Variants in CD300LD observed in about 807,000 individuals in gnomAD.
CD300LD encodes CMRF35-like molecule 5.
Under a neutral mutation model 20.3 loss-of-function variants are expected in CD300LD, and 18 were observed. The observed-to-expected ratio is 0.89, with a 90% CI of 0.61 to 1.32. The LOEUF is 1.32. Ranked by LOEUF, CD300LD falls within the 40% of genes most tolerant of loss-of-function variation. The pLI is 0.00. For missense variants in CD300LD, 195 were observed against 226.6 expected, an observed-to-expected ratio of 0.86 and a Z score of 0.90; for synonymous variants, 104 against 90.1, an observed-to-expected ratio of 1.15 and a Z score of -0.87.
At chr17:74,588,079 A>G (rs905670153) in intron 2 of CD300LD, among the ~76,000 whole-genome samples, 10 of 152,206 alleles carry the variant, frequency 6.6e-5, no homozygotes, top group African/African-American at 2.4e-4. Flanking sequence ...GAGGTTGAGG[A>G]GCCACATCTT....
Position 74,591,786 on chromosome 17 carries a change from C to A in CD300LD, c.40+377G>T, listed in dbSNP as rs549270350. Among the ~76,000 whole-genome samples the A allele has an allele frequency of 1.1e-4, 16 of 149,014 alleles. No homozygotes were observed. The South Asian group carries it at 2.8e-3, about 26-fold the overall frequency. On this transcript the variant is annotated intron_variant, in intron 1 of 3. Transcript: ENST00000375352. ...CATCATGCTAAGTGAAAGAAGCACTCCAGCCTGGGTGACAGAGCGAGACAC... is the reference window on the plus strand; with the variant it reads ...CATCATGCTAAGTGAAAGAAGCACTACAGCCTGGGTGACAGAGCGAGACAC...
intron 1 of CD300LD, chr17:74,590,774 G>C (rs2143300514): frequency 6.6e-6 from 1 of 152,234 alleles, no homozygotes; most frequent in South Asian, 2.1e-4. Context: ...ACTACATCTG[G>C]AAGTTATTTA....
intron 1 of CD300LD, among the ~76,000 whole-genome samples, chr17:74,589,139 T>C (rs2030246443): frequency 6.6e-6 from 1 of 152,248 alleles, no homozygotes; most frequent in African/African-American, 2.4e-5. Flanking sequence ...CAAATCTTTA[T>C]ATTCCAAGGA....
At chr17:74,589,090 C>T (rs537406705) in intron 1 of CD300LD, among the ~76,000 whole-genome samples, 1 of 152,332 alleles carries the variant, frequency 6.6e-6, no homozygotes, top group Non-Finnish European at 1.5e-5. Context: ...GCAATAATAG[C>T]TTCCTGCAGT....
rs377067633 is a variant in CD300LD at position 74,592,255 on chromosome 17, G to A, written c.-53C>T. The A allele has an allele frequency of 3.7e-6, 6 of 1,613,944 alleles. No homozygotes were observed. In the African/African-American group the frequency reaches 8.0e-5, roughly 22 times the overall value. Reference sequence around the variant, plus strand: ...GATCACAGGTGTCTGGTGCCCTTCAGGGACTTGAATCCAAGCTCGGAAGTC... The same window carrying A: ...GATCACAGGTGTCTGGTGCCCTTCAAGGACTTGAATCCAAGCTCGGAAGTC... On this transcript the variant is annotated 5_prime_UTR_variant, in exon 1 of 4. Transcript: ENST00000375352.
Position 74,582,298 on chromosome 17 carries a change from T to C in CD300LD, c.393A>G (p.Ala131=), listed in dbSNP as rs759815848. ...CTGTTGTGGTTGTCCATTCTGAGAC[T>C]GCAGTTTGTGTGCCTAAACATACAA... is the stretch of plus-strand genomic sequence containing the variant. ...QVTINPGTQT[A]VSEWTTTTAS... is the part of the protein sequence containing the mutation. The change falls in exon 3 of 4, where the codon GCA becomes GCG. Residue 131 remains alanine, a synonymous_variant. Coordinates refer to ENST00000375352, the MANE Select transcript of CD300LD (RefSeq NM_001115152.2). 2.5e-6 allele frequency: 4 copies of C among 1,613,662 alleles called. No homozygotes were observed. The South Asian group carries it at 3.3e-5, about 13-fold the overall frequency.
chr17:74,591,021 A>G (rs1015908236), intron 1 of CD300LD, among the ~76,000 whole-genome samples: 4 of 151,832 alleles, frequency 2.6e-5, no homozygotes, highest in African/African-American at 9.7e-5. Context: ...GCTGCAGTGA[A>G]CCCTGATCCC....
At chr17:74,580,704 C>A (rs1227745745) in intron 3 of CD300LD, among the ~76,000 whole-genome samples, 1 of 152,138 alleles carries the variant, frequency 6.6e-6, no homozygotes, top group Non-Finnish European at 1.5e-5. Flanking sequence ...TCTCGACCTC[C>A]CAACTTGGGC....
At chr17:74,591,259 A>AAAAAAT (rs1183987174) in intron 1 of CD300LD, among the ~76,000 whole-genome samples, 6 of 112,818 alleles carry the variant, frequency 5.3e-5, no homozygotes, top group African/African-American at 1.8e-4. Context: ...ACAAAAAAAA[A>AAAAAAT]AAAAATAAAA....
chr17:74,582,813 C>T (rs2030066817), intron 2 of CD300LD, among the ~76,000 whole-genome samples: 1 of 152,128 alleles, frequency 6.6e-6, no homozygotes, highest in Non-Finnish European at 1.5e-5. Context: ...CCCTCCCTAC[C>T]CCTGTTGAAG....
At chr17:74,583,200 T>C (rs969938814) in intron 2 of CD300LD, among the ~76,000 whole-genome samples, 1 of 152,146 alleles carries the variant, frequency 6.6e-6, no homozygotes, top group Admixed American at 6.5e-5. Flanking sequence ...AAAAATTATA[T>C]GTTGATATGC....
At chr17:74,584,455 A>T (rs1187762965) in intron 2 of CD300LD, among the ~76,000 whole-genome samples, 2 of 152,212 alleles carry the variant, frequency 1.3e-5, no homozygotes, top group Admixed American at 6.5e-5. Flanking sequence ...TCATGAAAGC[A>T]GGATGTTGGA....
At chr17:74,582,411 C>A in intron 2 of CD300LD, 100 bp from the exon 3 acceptor site, 1 of 854,674 alleles carries the variant, frequency 1.2e-6, no homozygotes, top group South Asian at 1.8e-5. Context: ...GGAGCCTCTG[C>A]CTTGGGGTCC....
chr17:74,591,776 A>G (rs1333412453), intron 1 of CD300LD, among the ~76,000 whole-genome samples: 2 of 150,980 alleles, frequency 1.3e-5, no homozygotes, highest in African/African-American at 4.9e-5. Flanking sequence ...TGCTAAGTGA[A>G]AGAAGCACTC....
At chr17:74,583,220 G>C (rs2030077269) in intron 2 of CD300LD, among the ~76,000 whole-genome samples, 1 of 152,152 alleles carries the variant, frequency 6.6e-6, no homozygotes, top group African/African-American at 2.4e-5. Flanking sequence ...CTAGTCCCCA[G>C]TACCTCAAAA....
intron 1 of CD300LD, chr17:74,590,558 C>G (rs929129426): frequency 6.6e-6 from 1 of 152,038 alleles, no homozygotes; most frequent in Non-Finnish European, 1.5e-5. Flanking sequence ...TCACCATAAA[C>G]AGGCAGAGCT....
rs34787485 is a variant in CD300LD, at chr17:74,583,749, CTTT to C, written c.380-1441_380-1439del. ...TGTATTCCATTGCATGAGTATTTCACTTTTTTTTTTTTTTTTTTTTTGAGACAG... is the reference window on the plus strand; with the variant it reads ...TGTATTCCATTGCATGAGTATTTCACTTTTTTTTTTTTTTTTTTGAGACAG... On this transcript the variant is annotated intron_variant, in intron 2 of 3. Transcript: ENST00000375352. Among the ~76,000 whole-genome samples, 243 of 98,050 alleles carry C rather than the reference CTTT, an allele frequency of 2.5e-3. 1 individual carries two copies. The highest frequency in any genetic ancestry group is 5.6e-3 in the Middle Eastern group (1 of 180). 64.3% of individuals were successfully genotyped at this position (98,050 alleles called of 152,430 possible).
chr17:74,586,519 G>A (rs973823646), intron 2 of CD300LD, among the ~76,000 whole-genome samples: 8 of 152,090 alleles, frequency 5.3e-5, no homozygotes, highest in African/African-American at 1.9e-4. Flanking sequence ...GTCGGGAAAC[G>A]AGAAGGGGGC....
chr17:74,591,044 C>G (rs2030299517), intron 1 of CD300LD, among the ~76,000 whole-genome samples: 1 of 147,360 alleles, frequency 6.8e-6, no homozygotes, highest in African/African-American at 2.4e-5. Context: ...CACTGTACTC[C>G]AGATTGGGTG....
Sources: allele counts gnomAD v4.1 joint callset (sites outside exome capture counted in the v4.1 genomes callset), GRCh38; gene constraint gnomAD v4.1.1; transcripts MANE v1.5; gene names NCBI Gene and HGNC (gene_info 2026-07-23, HGNC 2026-07-21).